The following STAT5B variants were observed in gnomAD, a reference collection of about 807,000 sequenced individuals.
STAT5B encodes transcription factor STAT5B.
A neutral mutation model predicts 107.8 loss-of-function variants in STAT5B; 21 were observed. That is an observed-to-expected ratio of 0.19 (90% CI 0.14 to 0.28). STAT5B has a LOEUF of 0.28. Among genes scored for constraint, STAT5B ranks in the 10% least tolerant of loss-of-function variants. The probability of loss-of-function intolerance (pLI) is 1.00; values close to 1 mark genes in which losing one functional copy is unlikely to be tolerated. For missense variants in STAT5B, 565 were observed against 1,008.2 expected, an observed-to-expected ratio of 0.56 and a Z score of 5.95; for synonymous variants, 325 against 401.7, an observed-to-expected ratio of 0.81 and a Z score of 2.28.
chr17:42,233,549 G>A (rs1269606566), intron 1 of STAT5B, among the ~76,000 whole-genome samples: 2 of 150,808 alleles, frequency 1.3e-5, no homozygotes, highest in Non-Finnish European at 2.9e-5. Context: ...GGAGTGCCGT[G>A]ACGCGATCTC....
At chr17:42,213,747 T>G (rs1349327236) in intron 12 of STAT5B, among the ~76,000 whole-genome samples, 1 of 150,408 alleles carries the variant, frequency 6.6e-6, no homozygotes, top group Non-Finnish European at 1.5e-5. Flanking sequence ...CAAGCTGGTC[T>G]CGAATTCCTG....
At chr17:42,263,871 GCACA>G (rs3222522) in intron 1 of STAT5B, among the ~76,000 whole-genome samples, 62,578 of 144,812 alleles carry the variant, frequency 0.43, 13,899 homozygotes, top group Admixed American at 0.6. Flanking sequence ...TAGAAAGCGC[GCACA>G]CACACACACA....
intron 15 of STAT5B, among the ~76,000 whole-genome samples, chr17:42,208,615 C>A (rs756251059): frequency 1.4e-4 from 21 of 152,130 alleles, no homozygotes; most frequent in Admixed American, 2.6e-4. Flanking sequence ...AGTATTCTAG[C>A]CCTCAGTAGA....
At chr17:42,262,960 GTGTGTGTGTGTATATATATA>G (rs1462850849) in intron 1 of STAT5B, among the ~76,000 whole-genome samples, 1 of 52,412 alleles carries the variant, frequency 1.9e-5, no homozygotes, top group African/African-American at 9.1e-5. Context: ...GTGTGTGTGT[GTGTGTGTGTGTATATATATA>G]TATATATATA....
At chr17:42,214,208 A>G in intron 12 of STAT5B, 1 of 985,294 alleles carries the variant, frequency 1.0e-6, no homozygotes, top group Non-Finnish European at 1.2e-6. Flanking sequence ...GAGAATGTTA[A>G]AAATGCTTAT....
chr17:42,219,672 A>G, intron 6 of STAT5B, 40 bp downstream of exon 6: 2 of 1,580,216 alleles, frequency 1.3e-6, no homozygotes, highest in Non-Finnish European at 1.7e-6. Flanking sequence ...GACTGACTTC[A>G]TGGCACCCAC....
intron 5 of STAT5B, among the ~76,000 whole-genome samples, chr17:42,222,392 G>T (rs2080237815): frequency 6.6e-6 from 1 of 152,146 alleles, no homozygotes; most frequent in South Asian, 2.1e-4. Context: ...TACTAAGCAG[G>T]ATTTATACCA....
intron 1 of STAT5B, among the ~76,000 whole-genome samples, chr17:42,252,809 CA>C (rs1366204750): frequency 3.3e-5 from 5 of 152,138 alleles, no homozygotes; most frequent in African/African-American, 9.7e-5. Context: ...GCAGCAATTT[CA>C]AAGAGAAGAA....
Position 42,231,986 on chromosome 17 carries a change from C to T in STAT5B, c.128+14G>A. Reference sequence around the variant, plus strand: ...GTTTCACAAAATATGATGCAAACATCCTTGTTCACCTACCATGCTTGGCTT... The same window carrying T: ...GTTTCACAAAATATGATGCAAACATTCTTGTTCACCTACCATGCTTGGCTT... On this transcript the variant is annotated intron_variant, in intron 2 of 18. Transcript: ENST00000293328. The T allele has an allele frequency of 6.2e-7, 1 of 1,613,708 alleles. No individual in the cohort carries two copies. Among genetic ancestry groups the T allele is most frequent in the Non-Finnish European group, 8.5e-7 (1 of 1,179,750 alleles).
chr17:42,211,099 G>A (rs2080124904), intron 13 of STAT5B, among the ~76,000 whole-genome samples: 1 of 152,036 alleles, frequency 6.6e-6, no homozygotes, highest in South Asian at 2.1e-4. Flanking sequence ...TACTCAGGAG[G>A]CTGAGACAGG....
intron 1 of STAT5B, among the ~76,000 whole-genome samples, chr17:42,233,431 T>C (rs536912271): frequency 1.3e-5 from 2 of 152,072 alleles, no homozygotes; most frequent in African/African-American, 4.8e-5. Context: ...ACAAAAACAA[T>C]ACATTCCACC....
chr17:42,217,392 G>A lies in STAT5B; in HGVS notation c.1242C>T (p.Ala414=). ...EYHQATGTLS[A]HFRNMSLKRI... ...CCACCCTCACCATATTCCTGAAGTGGGCACTAAGGGTGCCTGTGGCTTGGT... is the reference window on the plus strand; with the variant it reads ...CCACCCTCACCATATTCCTGAAGTGAGCACTAAGGGTGCCTGTGGCTTGGT... The change falls in exon 10 of 19, where the codon GCC becomes GCT. Residue 414 remains alanine (A), a synonymous_variant. Coordinates refer to ENST00000293328, the MANE Select transcript of STAT5B (RefSeq NM_012448.4). 1 of 1,614,160 alleles carries A rather than the reference G, an allele frequency of 6.2e-7. No homozygotes were observed. The highest frequency in any genetic ancestry group is 8.5e-7 in the Non-Finnish European group (1 of 1,180,040).
chr17:42,259,559 G>A (rs1412009630), intron 1 of STAT5B, among the ~76,000 whole-genome samples: 1 of 152,126 alleles, frequency 6.6e-6, no homozygotes, highest in Non-Finnish European at 1.5e-5. Flanking sequence ...GGCCAAGGTG[G>A]GTGGATCACC....
At chr17:42,203,747 C>T (rs1376675987) in intron 16 of STAT5B, among the ~76,000 whole-genome samples, 1 of 152,042 alleles carries the variant, frequency 6.6e-6, no homozygotes, top group Non-Finnish European at 1.5e-5. Context: ...ATGCTTCAGC[C>T]TCCCGAGTAG....
chr17:42,210,160 G>C lies in STAT5B; in HGVS notation c.1906+11C>G. The C allele has an allele frequency of 1.9e-6, 3 of 1,614,128 alleles. No homozygotes were observed. The highest frequency in any genetic ancestry group is 2.5e-6 in the Non-Finnish European group (3 of 1,180,024). On this transcript the variant is annotated intron_variant, in intron 15 of 18. Coordinates refer to ENST00000293328, the MANE Select transcript of STAT5B (RefSeq NM_012448.4). ...AGCTAACTTTGGACATAAGAAGGGA[G>C]GGGCACTCACGAGAATCAAACTTCC... is the stretch of plus-strand genomic sequence containing the variant.
chr17:42,262,964 GTGTGTGTATATA>G (rs1290330702), intron 1 of STAT5B, among the ~76,000 whole-genome samples: 34 of 39,362 alleles, frequency 8.6e-4, no homozygotes, highest in African/African-American at 3.1e-3. Context: ...GTGTGTGTGT[GTGTGTGTATATA>G]TATATATATA....
chr17:42,209,717 A>G (rs1185786950), intron 15 of STAT5B, among the ~76,000 whole-genome samples: 2 of 152,198 alleles, frequency 1.3e-5, no homozygotes, highest in Non-Finnish European at 2.9e-5. Context: ...CAAAAAAAGA[A>G]AAGAACTAAC....
chr17:42,201,769 T>C lies in STAT5B; in HGVS notation c.2333A>G (p.Asp778Gly), dbSNP rs1316589368. Reference protein sequence around the residue: ...RVEELLGRPMDSQWIPHAQS With the variant: ...RVEELLGRPMGSQWIPHAQS ...TTGTGCGTGCGGGATCCACTGACTG[T>C]CCATTGGCCGGCCCAGGAGCTCCTC... The change falls in exon 19 of 19, where the codon GAC becomes GGC. Residue 778 changes from aspartate (D) to glycine (G), a missense_variant. Asp to Gly is a moderately conservative substitution (Grantham distance 94). This residue lies in a region of STAT5B where 76 missense variants were observed against 110.2 expected (regional missense o/e 0.69). Transcript: ENST00000293328. 6 of 1,614,048 alleles carry C rather than the reference T, an allele frequency of 3.7e-6. No individual in the cohort carries two copies. Among genetic ancestry groups the C allele is most frequent in the Middle Eastern group, 1.6e-4 (1 of 6,062 alleles).
At chr17:42,281,083 G>A (rs1483909793), upstream of STAT5B, among the ~76,000 whole-genome samples, 10 of 151,476 alleles carry the variant, frequency 6.6e-5, no homozygotes, top group Admixed American at 5.9e-4. Flanking sequence ...GCAGTGAGCA[G>A]AGATCGCGCC....
Sources: allele counts gnomAD v4.1 joint callset (sites outside exome capture counted in the v4.1 genomes callset), GRCh38; gene constraint gnomAD v4.1.1; regional missense constraint gnomAD v4.1.1; transcripts MANE v1.5; gene names NCBI Gene and HGNC (gene_info 2026-07-23, HGNC 2026-07-21).